CPLANE1: variants seen among roughly 807,000 people sequenced by gnomAD.
CPLANE1 encodes ciliogenesis and planar polarity effector 1.
A neutral mutation model predicts 362.5 loss-of-function variants in CPLANE1; 263 were observed. The observed-to-expected ratio is 0.73, with a 90% CI of 0.66 to 0.80. The LOEUF is 0.80. Ranked by LOEUF, CPLANE1 falls within the 30% of genes least tolerant of loss-of-function variation. CPLANE1 has a pLI of 0.00. For synonymous variants in CPLANE1, 1,212 were observed against 1,302.6 expected (o/e 0.93, Z 1.50); for missense variants, 3,461 against 3,793.4 (o/e 0.91, Z 2.30).
Position 37,232,801 on chromosome 5 carries a change from T to C in CPLANE1, c.939-1752A>G, listed in dbSNP as rs374392426. ...GCTGCAGTGAGCTATGATCACGCCA[T>C]TGCACTCCAGCCCAGGTAACAGAAC... On this transcript the variant is annotated intron_variant, in intron 8 of 52. Transcript: ENST00000651892. 4.2e-5 allele frequency among the ~76,000 whole-genome samples: 6 copies of C among 142,740 alleles called. No individual in the cohort carries two copies. In the East Asian group the frequency reaches 1.0e-3, roughly 24 times the overall value. 93.6% of individuals were successfully genotyped at this position (142,740 alleles called of 152,430 possible).
the CPLANE1 span, among the ~76,000 whole-genome samples, chr5:37,098,699 T>C: frequency 6.7e-6 from 1 of 149,552 alleles, no homozygotes; most frequent in South Asian, 2.1e-4. Flanking sequence ...CTGAACACAA[T>C]GGAATAAAAC....
the CPLANE1 span, among the ~76,000 whole-genome samples, chr5:37,080,932 G>A: frequency 6.6e-6 from 1 of 152,168 alleles, no homozygotes; most frequent in Non-Finnish European, 1.5e-5. Context: ...GATTATCTTT[G>A]AACTGCCTAC....
chr5:37,122,682 G>A (rs1303467529), intron 47 of CPLANE1, among the ~76,000 whole-genome samples, 194 bp from the exon 48 acceptor site: 1 of 152,120 alleles, frequency 6.6e-6, no homozygotes, highest in African/African-American at 2.4e-5. Context: ...GGGAGGCTGC[G>A]GCGGGCGGAT....
chr5:37,189,519 T>C (rs1784908313), intron 21 of CPLANE1, among the ~76,000 whole-genome samples: 1 of 152,170 alleles, frequency 6.6e-6, no homozygotes, highest in African/African-American at 2.4e-5. Flanking sequence ...CAAGCTGGGA[T>C]AGAACTAAGG....
At chr5:37,086,729 C>A in the CPLANE1 span, among the ~76,000 whole-genome samples, 7 of 152,098 alleles carry the variant, frequency 4.6e-5, no homozygotes, top group East Asian at 1.9e-4. Context: ...GGAGGGCCAG[C>A]GAGTCAGGGC....
At chr5:37,133,436 G>A (rs888784300) in intron 46 of CPLANE1, among the ~76,000 whole-genome samples, 14 of 151,932 alleles carry the variant, frequency 9.2e-5, no homozygotes, top group African/African-American at 2.4e-4. Flanking sequence ...TGTCACCTGC[G>A]ATTTCTTTCA....
rs1792087035 is a variant in CPLANE1, at chr5:37,209,882, TGA to T, written c.2921-3459_2921-3458del. The T allele has an allele frequency of 6.3e-6, 9 of 1,438,956 alleles. No homozygotes were observed. Among genetic ancestry groups the T allele is most frequent in the Non-Finnish European group, 7.8e-6 (8 of 1,022,554 alleles). 89.1% of individuals were successfully genotyped at this position (1,438,956 alleles called of 1,614,324 possible). ...CGACATTTAGCAGAGATTCTCTGGC[TGA>T]GAAGCTTCAGCTTATTGATGATCAG... On this transcript the variant is annotated intron_variant, in intron 16 of 52. Transcript: ENST00000651892. This position sits in a 1 kb window ranked among gnomAD's most constrained non-coding sequence, Gnocchi z 4.6.
At chr5:37,216,702 A>G (rs995288732) in intron 15 of CPLANE1, among the ~76,000 whole-genome samples, 1 of 152,236 alleles carries the variant, frequency 6.6e-6, no homozygotes, top group Non-Finnish European at 1.5e-5. Flanking sequence ...ATAATAATAT[A>G]AGCTGGCATT....
chr5:37,166,721 G>A (rs1232291242), intron 35 of CPLANE1, among the ~76,000 whole-genome samples: 2 of 152,156 alleles, frequency 1.3e-5, no homozygotes, highest in African/African-American at 2.4e-5. Flanking sequence ...GGGGATAAGG[G>A]AGGACTACTG....
intron 46 of CPLANE1, among the ~76,000 whole-genome samples, chr5:37,137,189 C>T (rs934604359): frequency 6.6e-6 from 1 of 152,196 alleles, no homozygotes; most frequent in African/African-American, 2.4e-5. Context: ...TAATCTCTCT[C>T]AAGTTCAAAG....
intron 51 of CPLANE1, 83 bp from the exon 52 acceptor site, chr5:37,108,554 C>T: frequency 7.7e-7 from 1 of 1,296,824 alleles, no homozygotes; most frequent in South Asian, 1.4e-5. Flanking sequence ...CTTTTATCAT[C>T]AAAGCCAAGG....
chr5:37,226,537 T>A lies in CPLANE1; in HGVS notation c.2058A>T (p.Leu686Phe). 6.5e-7 allele frequency: 1 copy of A among 1,548,700 alleles called. No homozygotes were observed. The highest frequency in any genetic ancestry group is 8.7e-7 in the Non-Finnish European group (1 of 1,145,918). The change falls in exon 12 of 53, where the codon TTA (leucine) becomes TTT (phenylalanine). Residue 686 changes from leucine to phenylalanine, a missense_variant. This residue lies in a region of CPLANE1 where 3,380 missense variants were observed against 3,666.1 expected (regional missense o/e 0.92). Transcript: ENST00000651892. ...CCATTTTGAGTAAATAAAAACAAGC[T>A]AAAAGTTTCTCTGAGAATAACTGAC... ...QKGQLFSEKLLACFYLLKMVA... is the reference protein window; with the variant it reads ...QKGQLFSEKLFACFYLLKMVA...
chr5:37,213,491 A>T, intron 16 of CPLANE1, 68 bp downstream of exon 16: 1 of 1,123,168 alleles, frequency 8.9e-7, no homozygotes, highest in South Asian at 2.1e-5. Context: ...CCTCTGTATA[A>T]TATGTTTTAA....
In CPLANE1 at chr5:37,134,324, T is replaced by C. The variant is rs553156282; in HGVS notation, c.8792+4396A>G. Among the ~76,000 whole-genome samples, 6 of 152,320 alleles carry C rather than the reference T, an allele frequency of 3.9e-5. No homozygotes were observed. The South Asian group carries it at 1.2e-3, about 32-fold the overall frequency. Reference sequence around the variant, plus strand: ...ACTGATTCCATTTCAGGACTTCATATTGGTCTGTTCAGGGTTTCAAATTTC... The same window carrying C: ...ACTGATTCCATTTCAGGACTTCATACTGGTCTGTTCAGGGTTTCAAATTTC... On this transcript the variant is annotated intron_variant, in intron 46 of 52. Transcript: ENST00000651892.
chr5:37,106,475 T>A lies in CPLANE1; in HGVS notation c.*1127A>T. ...AAAATGTACAACTATCATGTATCAA[T>A]AAAATACCCATAGAATATACAAAAA... is the stretch of plus-strand genomic sequence containing the variant. On this transcript the variant is annotated 3_prime_UTR_variant, in exon 53 of 53. Coordinates refer to ENST00000651892, the MANE Select transcript of CPLANE1 (RefSeq NM_001384732.1). 2.7e-6 allele frequency: 1 copy of A among 367,750 alleles called. No individual in the cohort carries two copies. Among genetic ancestry groups the A allele is most frequent in the Non-Finnish European group, 3.8e-6 (1 of 265,224 alleles). The allele number at this position is 367,750 out of a possible 1,614,324, so 22.8% of individuals were successfully genotyped here. A position where few individuals can be genotyped will look rare whatever the true frequency, so the allele number is the denominator to read the frequency against.
At chr5:37,094,005 G>GT in the CPLANE1 span, among the ~76,000 whole-genome samples, 3 of 101,610 alleles carry the variant, frequency 3.0e-5, no homozygotes, top group African/African-American at 1.5e-4. Context: ...AGCGCTGGGA[G>GT]GGGTGGAGCG....
At chr5:37,180,234 C>G in intron 27 of CPLANE1, 51 bp from the exon 28 acceptor site, 1 of 1,231,576 alleles carries the variant, frequency 8.1e-7, no homozygotes, top group East Asian at 2.8e-5. Flanking sequence ...AGATAAAGAG[C>G]TAATTCAGTT....
intron 9 of CPLANE1, among the ~76,000 whole-genome samples, chr5:37,228,146 C>CA (rs1796861018): frequency 6.6e-6 from 1 of 151,954 alleles, no homozygotes. Flanking sequence ...TTTCCTCTTA[C>CA]CATATATTTA....
intron 44 of CPLANE1, chr5:37,141,185 C>A: frequency 1.0e-6 from 1 of 985,324 alleles, no homozygotes; most frequent in Non-Finnish European, 1.2e-6. Flanking sequence ...GGTCTCTATG[C>A]CTCCATTCTA....
Sources: allele counts gnomAD v4.1 joint callset (sites outside exome capture counted in the v4.1 genomes callset), GRCh38; gene constraint gnomAD v4.1.1; regional missense constraint gnomAD v4.1.1; non-coding constraint Gnocchi (gnomAD v3.1); transcripts MANE v1.5; gene names NCBI Gene and HGNC (gene_info 2026-07-23, HGNC 2026-07-21).